AHCYL2: variants seen among roughly 807,000 people sequenced by gnomAD.
AHCYL2 encodes S-adenosylhomocysteine hydrolase-like protein 2.
A neutral mutation model predicts 81.4 loss-of-function variants in AHCYL2; 28 were observed. The observed-to-expected ratio is 0.34, with a 90% CI of 0.25 to 0.47. AHCYL2 has a LOEUF of 0.47. Ranked by LOEUF, AHCYL2 falls within the 20% of genes least tolerant of loss-of-function variation. The probability of loss-of-function intolerance (pLI) is 1.00; values close to 1 mark genes in which losing one functional copy is unlikely to be tolerated. For synonymous variants in AHCYL2, 272 were observed against 290.2 expected, an observed-to-expected ratio of 0.94 and a Z score of 0.64; for missense variants, 551 against 785.1, an observed-to-expected ratio of 0.70 and a Z score of 3.56.
intron 1 of AHCYL2, among the ~76,000 whole-genome samples, chr7:129,276,869 C>T (rs1796228186): frequency 6.6e-6 from 1 of 151,182 alleles, no homozygotes; most frequent in Non-Finnish European, 1.5e-5. Flanking sequence ...AGTGAAGATA[C>T]AGATACCACT....
intron 1 of AHCYL2, among the ~76,000 whole-genome samples, chr7:129,271,205 C>G (rs10276901): frequency 6.6e-6 from 1 of 151,198 alleles, no homozygotes; most frequent in East Asian, 1.9e-4. Flanking sequence ...ACTAAAAATA[C>G]AAAAAATTAG....
intron 2 of AHCYL2, among the ~76,000 whole-genome samples, chr7:129,386,520 G>T (rs1023540890): frequency 1.3e-5 from 2 of 151,758 alleles, no homozygotes; most frequent in Non-Finnish European, 2.9e-5. Flanking sequence ...GAAAAACATT[G>T]GTTGAATTAA....
chr7:129,243,728 C>G (rs1343844738), intron 1 of AHCYL2, among the ~76,000 whole-genome samples: 1 of 151,362 alleles, frequency 6.6e-6, no homozygotes, highest in Admixed American at 6.6e-5. Flanking sequence ...ACTACAGGCG[C>G]CCACCACCAC....
chr7:129,277,513 C>T (rs1288093115), intron 1 of AHCYL2, among the ~76,000 whole-genome samples: 1 of 152,122 alleles, frequency 6.6e-6, no homozygotes, highest in East Asian at 1.9e-4. Context: ...CTCCTGGGCT[C>T]AGGCAATCCA....
rs147181917 is a variant in AHCYL2, at chr7:129,306,400, A to G, written c.364-73238A>G. Among the ~76,000 whole-genome samples, 393 of 152,166 alleles carry G rather than the reference A, an allele frequency of 2.6e-3. 3 individuals carry two copies. Among genetic ancestry groups the G allele is most frequent in the African/African-American group, 8.9e-3 (369 of 41,524 alleles). On this transcript the variant is annotated intron_variant, in intron 1 of 16. Coordinates refer to ENST00000325006, the MANE Select transcript of AHCYL2 (RefSeq NM_015328.4). ...CTCTGATGCATTCTTCAGTGTGTCA[A>G]TTGTATTTTTCCACTACAGAATTTC...
At chr7:129,423,879 A>G (rs1366130797) in intron 13 of AHCYL2, among the ~76,000 whole-genome samples, 1 of 152,198 alleles carries the variant, frequency 6.6e-6, no homozygotes, top group Admixed American at 6.5e-5. Flanking sequence ...GAAGGAGTAT[A>G]TATGAGGAGG....
rs1391471614 is a variant in AHCYL2, at chr7:129,429,066, G to C, written c.*2021G>C. 1 of 152,196 alleles carries C rather than the reference G, an allele frequency of 6.6e-6. No homozygotes were observed. The highest frequency in any genetic ancestry group is 1.5e-5 in the Non-Finnish European group (1 of 68,038). The allele number at this position is 152,196 out of a possible 1,614,324, so 9.4% of individuals were successfully genotyped here. A position where few individuals can be genotyped will look rare whatever the true frequency, so the allele number is the denominator to read the frequency against. ...CTTAGACCAAAAATCATAACCTGCT[G>C]TTTCTCAGCAAAGCCTTGCTCTCTG... On this transcript the variant is annotated 3_prime_UTR_variant, in exon 17 of 17. Coordinates refer to ENST00000325006, the MANE Select transcript of AHCYL2 (RefSeq NM_015328.4).
At chr7:129,389,572 T>G in intron 3 of AHCYL2, 62 bp from the exon 4 acceptor site, 1 of 1,375,806 alleles carries the variant, frequency 7.3e-7, no homozygotes. Flanking sequence ...AGTTTTTCTG[T>G]TTGTTCTTTT....
At chr7:129,236,912 G>A (rs1176651767) in intron 1 of AHCYL2, among the ~76,000 whole-genome samples, 3 of 151,646 alleles carry the variant, frequency 2.0e-5, no homozygotes, top group African/African-American at 2.4e-5. Context: ...ATTGACTACT[G>A]TATGCCAAGT....
At chr7:129,284,282 C>A (rs555955643) in intron 1 of AHCYL2, among the ~76,000 whole-genome samples, 1 of 152,104 alleles carries the variant, frequency 6.6e-6, no homozygotes, top group South Asian at 2.1e-4. Context: ...GAAAATTTCA[C>A]CTGTAGGTGG....
At chr7:129,329,404 A>G (rs1563199032) in intron 1 of AHCYL2, among the ~76,000 whole-genome samples, 2 of 152,052 alleles carry the variant, frequency 1.3e-5, no homozygotes, top group African/African-American at 4.8e-5. Context: ...ACTGGTCTCA[A>G]ACTCCTGAGC....
intron 1 of AHCYL2, among the ~76,000 whole-genome samples, chr7:129,339,891 G>T (rs1234637716): frequency 7.0e-6 from 1 of 142,056 alleles, no homozygotes; most frequent in African/African-American, 2.6e-5. Flanking sequence ...TGCTCTTGTT[G>T]CTCTCTTTTT....
At chr7:129,301,493 A>C (rs1388017704) in intron 1 of AHCYL2, among the ~76,000 whole-genome samples, 1 of 152,086 alleles carries the variant, frequency 6.6e-6, no homozygotes, top group Non-Finnish European at 1.5e-5. Context: ...GCATAGTTTG[A>C]GGTCTTAGAT....
intron 1 of AHCYL2, among the ~76,000 whole-genome samples, chr7:129,289,778 CTTCT>C (rs1171284099): frequency 6.7e-6 from 1 of 150,014 alleles, no homozygotes; most frequent in Non-Finnish European, 1.5e-5. Flanking sequence ...TGATATATTT[CTTCT>C]TTCTTTCTTT....
At chr7:129,290,034 G>A (rs966510075) in intron 1 of AHCYL2, among the ~76,000 whole-genome samples, 5 of 151,690 alleles carry the variant, frequency 3.3e-5, no homozygotes, top group Admixed American at 1.3e-4. Flanking sequence ...CTCCCGCCTC[G>A]GCCTCCCAAA....
chr7:129,369,967 G>A (rs1794302117), intron 1 of AHCYL2, among the ~76,000 whole-genome samples: 2 of 152,136 alleles, frequency 1.3e-5, no homozygotes, highest in South Asian at 4.1e-4. Flanking sequence ...TTCTGATTGG[G>A]TTGAGTTTTT....
chr7:129,376,146 AG>A (rs1279068711), intron 1 of AHCYL2, among the ~76,000 whole-genome samples: 1 of 152,214 alleles, frequency 6.6e-6, no homozygotes, highest in African/African-American at 2.4e-5. Flanking sequence ...TTACCTTAAA[AG>A]ACCCTGGTTC....
intron 1 of AHCYL2, among the ~76,000 whole-genome samples, chr7:129,350,077 C>T (rs1483375629): frequency 6.6e-6 from 1 of 152,162 alleles, no homozygotes; most frequent in Non-Finnish European, 1.5e-5. Context: ...CCTATTGCTT[C>T]AAAAGGCTTT....
intron 6 of AHCYL2, among the ~76,000 whole-genome samples, 175 bp downstream of exon 6, chr7:129,400,559 ATTGAAGCTC>A (rs1795984293): frequency 6.6e-6 from 1 of 152,222 alleles, no homozygotes; most frequent in African/African-American, 2.4e-5. Context: ...CCCCAAGAGT[ATTGAAGCTC>A]TTATAACCTC....
Sources: gnomAD v4.1 joint callset for allele counts (sites outside exome capture counted in the v4.1 genomes callset) on GRCh38, gnomAD v4.1.1 for gene constraint, MANE v1.5 for transcripts, NCBI Gene and HGNC (gene_info 2026-07-23, HGNC 2026-07-21) for gene names.